SOX5: variants seen among roughly 807,000 people sequenced by gnomAD.
The protein encoded by SOX5 is SRY-box transcription factor 5.
Under a neutral mutation model 92.0 loss-of-function variants are expected in SOX5, and 9 were observed. That is an observed-to-expected ratio of 0.10 (90% CI 0.06 to 0.17). SOX5 has a LOEUF of 0.17. SOX5 is among the 10% of genes least tolerant of loss of function. The pLI, the probability that SOX5 is intolerant of heterozygous loss-of-function variation, is 1.00. For synonymous variants in SOX5, 344 were observed against 336.3 expected, an observed-to-expected ratio of 1.02 and a Z score of -0.25; for missense variants, 642 against 944.5, an observed-to-expected ratio of 0.68 and a Z score of 4.20.
At chr12:24,363,935 G>A (rs917791870) in intron 2 of SOX5, among the ~76,000 whole-genome samples, 6 of 152,180 alleles carry the variant, frequency 3.9e-5, no homozygotes, top group Non-Finnish European at 1.5e-5. Flanking sequence ...AGGAAAGAAT[G>A]GATTTAAAAC....
Position 23,566,326 on chromosome 12 carries a change from A to G in SOX5, c.1343-2923T>C, listed in dbSNP as rs79474121. On this transcript the variant is annotated intron_variant, in intron 10 of 14. Transcript: ENST00000451604. ...AAGATACATTATCTCATAATCTCCCATTCCCTCCTTACTCTCCAGTTCTCA... is the reference window on the plus strand; with the variant it reads ...AAGATACATTATCTCATAATCTCCCGTTCCCTCCTTACTCTCCAGTTCTCA... Among the ~76,000 whole-genome samples the G allele has an allele frequency of 1.6e-3, 236 of 152,226 alleles. 1 individual carries two copies. In the East Asian group the frequency reaches 0.017, roughly 11 times the overall value.
At position 23,741,001 on chromosome 12, in the gene SOX5, T is replaced by A. The variant is rs150313076; in HGVS notation, c.607A>T (p.Met203Leu). 1 of 1,608,356 alleles carries A rather than the reference T, an allele frequency of 6.2e-7. No homozygotes were observed. Among genetic ancestry groups the A allele is most frequent in the East Asian group, 2.2e-5 (1 of 44,676 alleles). ...ESLAEKERQL[M>L]GMINQLTSLR... ...CTGGTCAGCTGGTTGATCATACCCA[T>A]GAGTTGCCTTTCTTTCTCAGCTAAG... The change falls in exon 5 of 15, where the codon ATG (methionine) becomes TTG (leucine). Residue 203 changes from methionine (M) to leucine (L), a missense_variant. Met to Leu is a conservative substitution (Grantham distance 15). Around this residue, in one of 8 missense-constraint regions of SOX5, gnomAD observed 324 missense variants for 461.6 expected, o/e 0.70. Transcript: ENST00000451604.
intron 6 of SOX5, among the ~76,000 whole-genome samples, chr12:23,692,117 T>C (rs2140051017): frequency 6.6e-6 from 1 of 152,246 alleles, no homozygotes; most frequent in East Asian, 1.9e-4. Flanking sequence ...CTAAAATTCT[T>C]GCTTTGTCTA....
intron 1 of SOX5, among the ~76,000 whole-genome samples, chr12:24,424,808 T>TGGGGG (rs60026658): frequency 7.2e-6 from 1 of 138,376 alleles, no homozygotes; most frequent in Non-Finnish European, 1.5e-5. Context: ...GTTTTTTTTT[T>TGGGGG]GGGGGGGGGG....
chr12:23,777,057 A>G (rs1207992565), intron 3 of SOX5, among the ~76,000 whole-genome samples: 1 of 152,138 alleles, frequency 6.6e-6, no homozygotes, highest in African/African-American at 2.4e-5. Flanking sequence ...AAGTTCTAGG[A>G]GAACTGGAAG....
At chr12:23,681,200 T>G (rs1270487530) in intron 6 of SOX5, among the ~76,000 whole-genome samples, 3 of 151,998 alleles carry the variant, frequency 2.0e-5, no homozygotes, top group African/African-American at 7.2e-5. Flanking sequence ...CAATACAGTA[T>G]TCATTAATTT....
intron 4 of SOX5, among the ~76,000 whole-genome samples, chr12:24,061,424 G>A (rs1433657277): frequency 1.3e-5 from 2 of 150,562 alleles, no homozygotes; most frequent in African/African-American, 2.5e-5. Flanking sequence ...TAGTCACAAT[G>A]TTTGGTCATA....
intron 4 of SOX5, among the ~76,000 whole-genome samples, chr12:24,152,394 C>T (rs1253996687): frequency 6.6e-6 from 1 of 152,098 alleles, no homozygotes; most frequent in African/African-American, 2.4e-5. Context: ...TTTCATGACC[C>T]TCAGAGTGGG....
At chr12:24,547,086 T>C (rs190881646) in intron 1 of SOX5, among the ~76,000 whole-genome samples, 2 of 149,894 alleles carry the variant, frequency 1.3e-5, no homozygotes, top group East Asian at 3.9e-4. Flanking sequence ...ATTGGAACAA[T>C]AGGAGAAAAA....
intron 2 of SOX5, among the ~76,000 whole-genome samples, chr12:24,331,575 C>T (rs141867961): frequency 2.8e-4 from 43 of 152,086 alleles, no homozygotes; most frequent in East Asian, 2.7e-3. Flanking sequence ...ACAGGCCGGG[C>T]GTGGTGGCTC....
In SOX5 at chr12:24,476,100, C is replaced by T. The variant is rs138351634; in HGVS notation, c.-251+86229G>A. Among the ~76,000 whole-genome samples the T allele has an allele frequency of 4.4e-3, 663 of 152,170 alleles. 3 individuals are homozygous for T. The highest frequency in any genetic ancestry group is 0.015 in the African/African-American group (639 of 41,514). ...CACGTGCTAGGCAGTGCTACACAAG[C>T]ATGGTGTGGGGACCACTGTCCCTTT... On this transcript the variant is annotated intron_variant, in intron 1 of 4. Coordinates refer to the SOX5 transcript ENST00000446891.
intron 1 of SOX5, among the ~76,000 whole-genome samples, chr12:24,536,377 A>T (rs544367190): frequency 4.6e-5 from 7 of 152,328 alleles, no homozygotes; most frequent in Non-Finnish European, 8.8e-5. Flanking sequence ...GCATTTTACT[A>T]TCAGACCGAT....
At chr12:23,753,948 G>C (rs1242857362) in intron 4 of SOX5, among the ~76,000 whole-genome samples, 1 of 151,762 alleles carries the variant, frequency 6.6e-6, no homozygotes, top group Non-Finnish European at 1.5e-5. Flanking sequence ...ACCATGCCCT[G>C]AACAGAAGAA....
intron 2 of SOX5, among the ~76,000 whole-genome samples, chr12:24,334,023 T>C (rs558404823): frequency 3.3e-5 from 5 of 151,866 alleles, no homozygotes; most frequent in South Asian, 2.1e-4. Context: ...ATCATATATA[T>C]ATAATAGATG....
intron 4 of SOX5, among the ~76,000 whole-genome samples, chr12:24,105,483 G>A (rs1946568525): frequency 6.6e-6 from 1 of 152,148 alleles, no homozygotes; most frequent in South Asian, 2.1e-4. Flanking sequence ...GGAGGTTGCA[G>A]TGAGCCGAGA....
intron 3 of SOX5, among the ~76,000 whole-genome samples, chr12:24,232,239 A>G (rs954367685): frequency 6.6e-6 from 1 of 152,150 alleles, no homozygotes; most frequent in Non-Finnish European, 1.5e-5. Flanking sequence ...GTAACATTCT[A>G]TTCACACAAT....
At chr12:24,134,365 G>A (rs117061452) in intron 4 of SOX5, among the ~76,000 whole-genome samples, 1 of 152,124 alleles carries the variant, frequency 6.6e-6, no homozygotes, top group Non-Finnish European at 1.5e-5. Flanking sequence ...CCTGCCATCA[G>A]GAATTTTCAC....
chr12:23,966,806 G>A (rs1947637105), intron 4 of SOX5, among the ~76,000 whole-genome samples: 1 of 152,156 alleles, frequency 6.6e-6, no homozygotes, highest in Admixed American at 6.5e-5. Context: ...TTTGTAAACT[G>A]AAACGTAATA....
chr12:24,261,520 C>G (rs542332131), intron 3 of SOX5, among the ~76,000 whole-genome samples: 1 of 152,244 alleles, frequency 6.6e-6, no homozygotes, highest in African/African-American at 2.4e-5. Context: ...CCACACCACA[C>G]AGGAGAAAAA....
Sources: allele counts gnomAD v4.1 joint callset (sites outside exome capture counted in the v4.1 genomes callset), GRCh38; gene constraint gnomAD v4.1.1; regional missense constraint gnomAD v4.1.1; transcripts MANE v1.5; gene names NCBI Gene and HGNC (gene_info 2026-07-23, HGNC 2026-07-21).